Variants in KLHL1 observed in about 807,000 individuals in gnomAD.
KLHL1 encodes the protein kelch-like protein 1.
A neutral mutation model predicts 77.7 loss-of-function variants in KLHL1; 47 were observed. The observed-to-expected ratio is 0.60, with a 90% confidence interval of 0.48 to 0.77. KLHL1 has a LOEUF of 0.77. Ranked by LOEUF, KLHL1 falls within the 30% of genes least tolerant of loss-of-function variation. The probability of loss-of-function intolerance (pLI) is 0.00; values close to 1 mark genes in which losing one functional copy is unlikely to be tolerated. For synonymous variants in KLHL1, 360 were observed against 325.2 expected (o/e 1.11, Z -1.15); for missense variants, 925 against 910.8 (o/e 1.02, Z -0.20).
At chr13:69,860,361 T>C (rs1321276012) in intron 5 of KLHL1, among the ~76,000 whole-genome samples, 1 of 152,050 alleles carries the variant, frequency 6.6e-6, no homozygotes. Flanking sequence ...TTTCTAATGG[T>C]AAGATTCTCA....
chr13:69,818,219 CTTTT>C (rs1316398623), intron 6 of KLHL1, among the ~76,000 whole-genome samples: 1 of 112,882 alleles, frequency 8.9e-6, no homozygotes, highest in Admixed American at 8.8e-5. Context: ...TCATAGGCAT[CTTTT>C]TTTTTTTTTT....
At chr13:69,759,519 G>C in intron 7 of KLHL1, among the ~76,000 whole-genome samples, 1 of 152,086 alleles carries the variant, frequency 6.6e-6, no homozygotes, top group Middle Eastern at 3.4e-3. Context: ...CATTATCTTA[G>C]ATCACATAGA....
rs368095586 is a variant in KLHL1, at chr13:70,099,115, C to G, written c.497+8088G>C. Among the ~76,000 whole-genome samples the G allele has an allele frequency of 7.2e-5, 11 of 151,924 alleles. No individual in the cohort carries two copies. The South Asian group carries it at 2.1e-3, about 29-fold the overall frequency. ...TTAAAAATATGGAATTTTACTTACACTATTCTCTCTGATATAAACACATAT... is the reference window on the plus strand; with the variant it reads ...TTAAAAATATGGAATTTTACTTACAGTATTCTCTCTGATATAAACACATAT... On this transcript the variant is annotated intron_variant, in intron 1 of 10. Transcript: ENST00000377844.
chr13:69,954,370 C>T (rs966709663), intron 3 of KLHL1, among the ~76,000 whole-genome samples: 1 of 151,200 alleles, frequency 6.6e-6, no homozygotes, highest in Non-Finnish European at 1.5e-5. Flanking sequence ...AAATACATAG[C>T]AGGTACCCTG....
At chr13:70,014,783 G>C (rs1288391523) in intron 1 of KLHL1, among the ~76,000 whole-genome samples, 1 of 152,024 alleles carries the variant, frequency 6.6e-6, no homozygotes, top group Non-Finnish European at 1.5e-5. Context: ...ATGAAACATA[G>C]TAGACTTAAA....
chr13:69,937,724 G>T (rs750525337), intron 4 of KLHL1, among the ~76,000 whole-genome samples: 6 of 152,188 alleles, frequency 3.9e-5, no homozygotes, highest in Non-Finnish European at 7.4e-5. Flanking sequence ...CTTCCCAAAA[G>T]ATTTCGGAAT....
chr13:69,983,025 C>CA (rs1292882564), intron 1 of KLHL1, among the ~76,000 whole-genome samples: 3 of 151,880 alleles, frequency 2.0e-5, no homozygotes, highest in Non-Finnish European at 4.4e-5. Flanking sequence ...GATATAAAAT[C>CA]AAAATGTAAA....
chr13:69,783,066 G>A (rs1204007420), intron 7 of KLHL1, among the ~76,000 whole-genome samples: 1 of 152,176 alleles, frequency 6.6e-6, no homozygotes, highest in South Asian at 2.1e-4. Context: ...CCAGGCAAAC[G>A]GTCTGGAGTG....
At chr13:69,912,829 C>T (rs553385500) in intron 4 of KLHL1, among the ~76,000 whole-genome samples, 6 of 152,114 alleles carry the variant, frequency 3.9e-5, no homozygotes, top group Non-Finnish European at 8.8e-5. Flanking sequence ...CCCCATGCTG[C>T]TTGAGTCCTG....
intron 7 of KLHL1, among the ~76,000 whole-genome samples, chr13:69,764,188 A>C (rs2137969918): frequency 6.6e-6 from 1 of 152,330 alleles, no homozygotes; most frequent in Non-Finnish European, 1.5e-5. Context: ...GAACTGTATA[A>C]ATCACAGAAT....
intron 10 of KLHL1, among the ~76,000 whole-genome samples, chr13:69,706,123 T>A (rs2137871167): frequency 6.6e-6 from 1 of 151,742 alleles, no homozygotes; most frequent in Admixed American, 6.6e-5. Flanking sequence ...TTTAGTGCAA[T>A]AATGTGAAAA....
intron 9 of KLHL1, 110 bp downstream of exon 9, chr13:69,719,259 G>T: frequency 1.3e-6 from 1 of 764,414 alleles, no homozygotes; most frequent in Non-Finnish European, 2.2e-6. Context: ...TGTATCTCTA[G>T]GTGTTGAATT....
intron 7 of KLHL1, among the ~76,000 whole-genome samples, chr13:69,781,029 C>T (rs915319501): frequency 6.6e-6 from 1 of 151,522 alleles, no homozygotes; most frequent in Non-Finnish European, 1.5e-5. Flanking sequence ...ATATATCAGA[C>T]CAGAAGTAGA....
At chr13:70,078,372 C>G (rs1246553141) in intron 1 of KLHL1, among the ~76,000 whole-genome samples, 5 of 151,908 alleles carry the variant, frequency 3.3e-5, no homozygotes. Flanking sequence ...TAATGATGTT[C>G]AAAGACTTAT....
At chr13:69,871,810 T>C (rs1880597950) in intron 5 of KLHL1, among the ~76,000 whole-genome samples, 1 of 152,038 alleles carries the variant, frequency 6.6e-6, no homozygotes, top group South Asian at 2.1e-4. Context: ...CCTGAGACTT[T>C]GTCAGTATGG....
rs71116960 is a variant in KLHL1 at position 69,926,946 on chromosome 13, C to CAAAAAAAAAAAAA, written c.1014+13081_1014+13093dup. On this transcript the variant is annotated intron_variant, in intron 4 of 10. Transcript: ENST00000377844. ...TGGGTGACAGAGTGAGACTCCATCT[C>CAAAAAAAAAAAAA]AAAAAAAAAAAAAAAAAAAAAAAAG... Among the ~76,000 whole-genome samples the CAAAAAAAAAAAAA allele has an allele frequency of 2.8e-4, 10 of 36,034 alleles. 3 individuals are homozygous for CAAAAAAAAAAAAA. Among genetic ancestry groups the CAAAAAAAAAAAAA allele is most frequent in the Admixed American group, 2.4e-3 (4 of 1,694 alleles). The allele number at this position is 36,034 out of a possible 152,430, so 23.6% of individuals were successfully genotyped here.
chr13:69,900,246 T>C (rs1881807687), intron 4 of KLHL1, among the ~76,000 whole-genome samples: 1 of 152,176 alleles, frequency 6.6e-6, no homozygotes, highest in Non-Finnish European at 1.5e-5. Context: ...ACCTATTTTA[T>C]GACAAATACA....
At chr13:69,844,944 A>G (rs908949917) in intron 5 of KLHL1, among the ~76,000 whole-genome samples, 1 of 151,642 alleles carries the variant, frequency 6.6e-6, no homozygotes, top group African/African-American at 2.4e-5. Flanking sequence ...CTAAAAAAAA[A>G]TAAGTATTCG....
At chr13:69,753,777 G>A (rs776560511) in intron 7 of KLHL1, among the ~76,000 whole-genome samples, 17 of 152,092 alleles carry the variant, frequency 1.1e-4, no homozygotes, top group African/African-American at 1.9e-4. Flanking sequence ...ACAGGATTCC[G>A]TGTATACCAA....
Sources: gnomAD v4.1 joint callset for allele counts (sites outside exome capture counted in the v4.1 genomes callset) on GRCh38, gnomAD v4.1.1 for gene constraint, MANE v1.5 for transcripts, NCBI Gene and HGNC (gene_info 2026-07-23, HGNC 2026-07-21) for gene names.